NAV2: variants seen among roughly 807,000 people sequenced by gnomAD.
NAV2 encodes neuron navigator 2, also known as helicase, APC down-regulated 1.
NAV2 carries 54 observed loss-of-function variants against 223.2 expected under a neutral mutation model. The ratio of observed to expected loss-of-function variants is 0.24; its 90% confidence interval spans 0.19 to 0.30. NAV2 has a LOEUF of 0.30. Among genes scored for constraint, NAV2 ranks in the 10% least tolerant of loss-of-function variants. NAV2 has a pLI of 1.00. For synonymous variants in NAV2, 1,279 were observed against 1,239.3 expected, an observed-to-expected ratio of 1.03 and a Z score of -0.67; for missense variants, 2,806 against 3,147.5, an observed-to-expected ratio of 0.89 and a Z score of 2.60.
At chr11:19,427,210 G>A (rs967950411) in intron 1 of NAV2, among the ~76,000 whole-genome samples, 2 of 152,196 alleles carry the variant, frequency 1.3e-5, no homozygotes, top group Non-Finnish European at 1.5e-5. Flanking sequence ...TGGCTACTCT[G>A]AGTCTCTTTC....
At chr11:20,015,574 C>G (rs11025356) in intron 11 of NAV2, among the ~76,000 whole-genome samples, 2 of 151,940 alleles carry the variant, frequency 1.3e-5, no homozygotes, top group South Asian at 4.2e-4. Context: ...TCATGGATTG[C>G]GGTTAAATGT....
chr11:19,894,618 G>T (rs2153156716), intron 6 of NAV2, among the ~76,000 whole-genome samples: 1 of 152,324 alleles, frequency 6.6e-6, no homozygotes, highest in African/African-American at 2.4e-5. Context: ...TCCCATATCT[G>T]CTCTGAGCAG....
At chr11:19,365,167 A>G (rs1056780778) in intron 1 of NAV2, among the ~76,000 whole-genome samples, 3 of 151,938 alleles carry the variant, frequency 2.0e-5, no homozygotes, top group African/African-American at 7.3e-5. Flanking sequence ...TGGCTTTCCT[A>G]GTGGAAACAG....
At chr11:19,384,856 T>C (rs1165247533) in intron 1 of NAV2, 1 of 152,196 alleles carries the variant, frequency 6.6e-6, no homozygotes, top group African/African-American at 2.4e-5. Context: ...TGGATGTGCA[T>C]GAGTTTGTCT....
chr11:19,767,774 C>G (rs1315193545), intron 1 of NAV2, among the ~76,000 whole-genome samples: 1 of 152,162 alleles, frequency 6.6e-6, no homozygotes, highest in Non-Finnish European at 1.5e-5. Context: ...CCAGGGAAGA[C>G]CAGAACTTGA....
chr11:19,721,962 G>A (rs1193514300), intron 1 of NAV2, among the ~76,000 whole-genome samples: 38 of 152,164 alleles, frequency 2.5e-4, no homozygotes, highest in Admixed American at 2.2e-3. Context: ...ATATGTGCAC[G>A]TCTTTCAACT....
chr11:19,993,214 A>G (rs1417181538), intron 11 of NAV2, among the ~76,000 whole-genome samples: 1 of 152,186 alleles, frequency 6.6e-6, no homozygotes, highest in East Asian at 1.9e-4. Flanking sequence ...CATAACAAAC[A>G]ATTCTCAAAA....
intron 25 of NAV2, 127 bp from the exon 26 acceptor site, chr11:20,082,880 A>G: frequency 1.1e-6 from 1 of 919,180 alleles, no homozygotes; most frequent in East Asian, 2.6e-5. Flanking sequence ...AGCTCTTGGG[A>G]ACCTCTTCCA....
intron 1 of NAV2, among the ~76,000 whole-genome samples, chr11:19,615,481 T>TA (rs947002081): frequency 4.6e-5 from 7 of 152,012 alleles, no homozygotes; most frequent in African/African-American, 1.7e-4. Flanking sequence ...TTATTGTTAC[T>TA]AAAAATGCAT....
At chr11:19,469,744 C>G (rs1350361161) in intron 1 of NAV2, among the ~76,000 whole-genome samples, 1 of 152,194 alleles carries the variant, frequency 6.6e-6, no homozygotes, top group Non-Finnish European at 1.5e-5. Flanking sequence ...TATTTTCTGG[C>G]TATTCTGTAT....
chr11:19,509,276 T>C (rs2043205657), intron 1 of NAV2, among the ~76,000 whole-genome samples: 1 of 152,154 alleles, frequency 6.6e-6, no homozygotes, highest in Admixed American at 6.5e-5. Context: ...TGTTTGTGTG[T>C]GTGGGTGTGT....
intron 11 of NAV2, among the ~76,000 whole-genome samples, chr11:20,000,229 G>C (rs1163138112): frequency 6.6e-6 from 1 of 152,194 alleles, no homozygotes; most frequent in Non-Finnish European, 1.5e-5. Context: ...ACTAACCACC[G>C]TGTAACAACA....
intron 1 of NAV2, among the ~76,000 whole-genome samples, chr11:19,724,493 G>A (rs2051065527): frequency 1.3e-5 from 2 of 152,162 alleles, no homozygotes; most frequent in Non-Finnish European, 2.9e-5. Flanking sequence ...CATTACAGGT[G>A]TGAGCCACCA....
At chr11:19,982,242 T>TTTTTG (rs200116145) in intron 10 of NAV2, among the ~76,000 whole-genome samples, 2 of 14,674 alleles carry the variant, frequency 1.4e-4, no homozygotes, top group African/African-American at 2.5e-4. Context: ...GGGGTTTTCT[T>TTTTTG]TTTTGTTTTG....
At chr11:19,760,408 G>C (rs1321453576) in intron 1 of NAV2, among the ~76,000 whole-genome samples, 6 of 152,214 alleles carry the variant, frequency 3.9e-5, no homozygotes, top group African/African-American at 1.4e-4. Context: ...CAGTGATTCT[G>C]TTATTAGTTA....
chr11:19,908,235 C>G (rs1178162598), intron 6 of NAV2, among the ~76,000 whole-genome samples: 1 of 152,162 alleles, frequency 6.6e-6, no homozygotes, highest in East Asian at 1.9e-4. Context: ...GCATATCTGC[C>G]TTTTGGATGA....
intron 11 of NAV2, among the ~76,000 whole-genome samples, chr11:20,005,566 G>GAAA (rs59651537): frequency 2.9e-5 from 4 of 139,022 alleles, no homozygotes; most frequent in African/African-American, 1.1e-4. Context: ...TTAAAAAAAA[G>GAAA]AAAAAAAAAA....
intron 1 of NAV2, among the ~76,000 whole-genome samples, chr11:19,430,095 C>T (rs1850987104): frequency 6.6e-6 from 1 of 152,216 alleles, no homozygotes; most frequent in Non-Finnish European, 1.5e-5. Flanking sequence ...GAGACCCTGG[C>T]TGTCCTTTCA....
At chr11:19,882,493 G>A (rs1364364962) in intron 5 of NAV2, among the ~76,000 whole-genome samples, 1 of 152,138 alleles carries the variant, frequency 6.6e-6, no homozygotes, top group Non-Finnish European at 1.5e-5. Flanking sequence ...TACAAACTTG[G>A]CCACGTCACT....
Sources: allele counts gnomAD v4.1 joint callset (sites outside exome capture counted in the v4.1 genomes callset), GRCh38; gene constraint gnomAD v4.1.1; transcripts MANE v1.5; gene names NCBI Gene and HGNC (gene_info 2026-07-23, HGNC 2026-07-21).